ZMAT4: variants seen among roughly 807,000 people sequenced by gnomAD.
ZMAT4 encodes zinc finger matrin-type 4.
In ZMAT4, 17 loss-of-function variants were observed where a neutral mutation model predicts 28.7. That is an observed-to-expected ratio of 0.59 (90% CI 0.41 to 0.89). The LOEUF is 0.89. Among genes scored for constraint, ZMAT4 ranks in the 40% least tolerant of loss-of-function variants. The probability of loss-of-function intolerance (pLI) is 0.00; values close to 1 mark genes in which losing one functional copy is unlikely to be tolerated. For missense variants in ZMAT4, 240 were observed against 283.8 expected (o/e 0.85, Z 1.11); for synonymous variants, 117 against 109.2 (o/e 1.07, Z -0.44).
chr8:40,558,902 A>G (rs574593559), intron 6 of ZMAT4, among the ~76,000 whole-genome samples: 12 of 152,280 alleles, frequency 7.9e-5, no homozygotes, highest in African/African-American at 2.6e-4. Context: ...CAGAGGGGCC[A>G]TAAGACTGAC....
rs991618529 is a variant in ZMAT4 at position 40,724,419 on chromosome 8, G to A, written c.193-27018C>T. Among the ~76,000 whole-genome samples, 5 of 152,182 alleles carry A rather than the reference G, an allele frequency of 3.3e-5. 1 individual carries two copies. Among genetic ancestry groups the A allele is most frequent in the African/African-American group, 7.2e-5 (3 of 41,448 alleles). On this transcript the variant is annotated intron_variant, in intron 3 of 6. Coordinates refer to ENST00000297737, the MANE Select transcript of ZMAT4 (RefSeq NM_024645.3). Reference sequence around the variant, plus strand: ...GTGTTCTGACAGCCTTGCAAAGAACGTTTGACTTTGTTTCAACCTGTTTTA... The same window carrying A: ...GTGTTCTGACAGCCTTGCAAAGAACATTTGACTTTGTTTCAACCTGTTTTA...
At chr8:40,759,341 T>A (rs1476583743) in intron 3 of ZMAT4, among the ~76,000 whole-genome samples, 1 of 150,890 alleles carries the variant, frequency 6.6e-6, no homozygotes, top group Non-Finnish European at 1.5e-5. Context: ...GCTAAATTCC[T>A]ATATTGAAGA....
intron 6 of ZMAT4, among the ~76,000 whole-genome samples, chr8:40,541,942 C>T (rs1418960187): frequency 6.6e-6 from 1 of 152,194 alleles, no homozygotes; most frequent in Non-Finnish European, 1.5e-5. Flanking sequence ...TTCAGGTCAG[C>T]CACTGGCAGG....
intron 1 of ZMAT4, among the ~76,000 whole-genome samples, chr8:40,882,604 G>T (rs1818319156): frequency 6.6e-6 from 1 of 152,206 alleles, no homozygotes; most frequent in East Asian, 1.9e-4. Context: ...CATGCCTGCT[G>T]CCACCACCAC....
intron 1 of ZMAT4, among the ~76,000 whole-genome samples, chr8:40,836,536 GAGGTAC>G (rs1816495822): frequency 6.6e-6 from 1 of 152,176 alleles, no homozygotes; most frequent in Admixed American, 6.5e-5. Context: ...TGAATAAACT[GAGGTAC>G]AGTCACAGCA....
chr8:40,720,127 C>A lies in ZMAT4; in HGVS notation c.193-22726G>T, dbSNP rs368430711. Among the ~76,000 whole-genome samples, 101 of 152,304 alleles carry A rather than the reference C, an allele frequency of 6.6e-4. 1 individual carries two copies. The South Asian group carries it at 0.012, about 17-fold the overall frequency. On this transcript the variant is annotated intron_variant, in intron 3 of 6. Coordinates refer to ENST00000297737, the MANE Select transcript of ZMAT4 (RefSeq NM_024645.3). The stretch of plus-strand genomic sequence containing the variant: ...GTCTGCAGCTGAACATTCTTATCAA[C>A]TTTTGGGGCATGTTATTTAGTCTCA...
At chr8:40,693,037 G>GT (rs1006291405) in intron 4 of ZMAT4, among the ~76,000 whole-genome samples, 2 of 152,068 alleles carry the variant, frequency 1.3e-5, no homozygotes, top group Admixed American at 1.3e-4. Flanking sequence ...TTGGAAATAG[G>GT]TTTTTTGCAA....
At chr8:40,734,570 G>A (rs193251530) in intron 3 of ZMAT4, among the ~76,000 whole-genome samples, 235 of 152,176 alleles carry the variant, frequency 1.5e-3, no homozygotes, top group African/African-American at 5.4e-3. Flanking sequence ...GTAGCCTGTC[G>A]GCATGCTCTA....
intron 2 of ZMAT4, among the ~76,000 whole-genome samples, chr8:40,785,260 C>T (rs552835859): frequency 1.8e-4 from 28 of 152,358 alleles, no homozygotes; most frequent in African/African-American, 5.8e-4. Context: ...TGACCTCTCA[C>T]AGCTCTCATT....
chr8:40,894,819 G>A (rs933360120), intron 1 of ZMAT4, among the ~76,000 whole-genome samples: 2 of 151,442 alleles, frequency 1.3e-5, no homozygotes, highest in African/African-American at 2.4e-5. Flanking sequence ...CCAAAACAGC[G>A]AACACAATAG....
intron 1 of ZMAT4, among the ~76,000 whole-genome samples, chr8:40,854,676 C>A (rs1236662858): frequency 6.6e-6 from 1 of 152,154 alleles, no homozygotes; most frequent in Non-Finnish European, 1.5e-5. Context: ...AAGGTCTCAG[C>A]CCACAGCCTG....
At chr8:40,850,612 GGGCT>G (rs1817069228) in intron 1 of ZMAT4, among the ~76,000 whole-genome samples, 1 of 152,116 alleles carries the variant, frequency 6.6e-6, no homozygotes, top group Non-Finnish European at 1.5e-5. Flanking sequence ...AAACATTTGT[GGGCT>G]GGCTAAATGA....
intron 4 of ZMAT4, among the ~76,000 whole-genome samples, chr8:40,686,312 C>T (rs539278442): frequency 6.6e-6 from 1 of 151,844 alleles, no homozygotes; most frequent in Non-Finnish European, 1.5e-5. Context: ...ACCAGGAGTT[C>T]AAGACCAGCC....
intron 3 of ZMAT4, among the ~76,000 whole-genome samples, chr8:40,765,831 A>G (rs60495745): frequency 0.16 from 24,169 of 152,158 alleles, 3,057 homozygotes; most frequent in East Asian, 0.6. Context: ...GTCTCTGACC[A>G]TTAGCATAAG....
Position 40,600,145 on chromosome 8 carries a change from G to C in ZMAT4, c.578-18884C>G, listed in dbSNP as rs143594325. ...TAAATGGCTGTTTAATTAAACATGT[G>C]TGTGTATACATGTATTGGGGCTATT... On this transcript the variant is annotated intron_variant, in intron 5 of 6. Coordinates refer to ENST00000297737, the MANE Select transcript of ZMAT4 (RefSeq NM_024645.3). Among the ~76,000 whole-genome samples the C allele has an allele frequency of 2.0e-3, 309 of 152,350 alleles. 1 individual carries two copies. Among genetic ancestry groups the C allele is most frequent in the African/African-American group, 7.3e-3 (304 of 41,588 alleles).
At chr8:40,794,830 C>A (rs1814518247) in intron 2 of ZMAT4, among the ~76,000 whole-genome samples, 1 of 150,400 alleles carries the variant, frequency 6.6e-6, no homozygotes, top group Admixed American at 6.6e-5. Flanking sequence ...AGGGGTTGTG[C>A]TTTTGTGTGG....
intron 5 of ZMAT4, among the ~76,000 whole-genome samples, chr8:40,655,474 T>TA (rs1013230059): frequency 2.4e-4 from 35 of 146,176 alleles, no homozygotes; most frequent in East Asian, 6.0e-4. Context: ...TATGAAAATT[T>TA]AAAAAAACCC....
intron 3 of ZMAT4, among the ~76,000 whole-genome samples, chr8:40,713,879 A>T (rs939588030): frequency 6.7e-6 from 1 of 149,342 alleles, no homozygotes; most frequent in African/African-American, 2.5e-5. Context: ...ACTGCACTCC[A>T]GCCTGGGCAA....
chr8:40,703,072 A>T (rs1050181742), intron 3 of ZMAT4, among the ~76,000 whole-genome samples: 1 of 152,220 alleles, frequency 6.6e-6, no homozygotes, highest in Non-Finnish European at 1.5e-5. Flanking sequence ...AAACAAGGTT[A>T]CATATGGATG....
Sources: gnomAD v4.1 joint callset for allele counts (sites outside exome capture counted in the v4.1 genomes callset) on GRCh38, gnomAD v4.1.1 for gene constraint, MANE v1.5 for transcripts, NCBI Gene and HGNC (gene_info 2026-07-23, HGNC 2026-07-21) for gene names.